Variants in CHRM2 observed in about 807,000 individuals in gnomAD.
CHRM2 encodes cholinergic receptor muscarinic 2.
In CHRM2, 8 loss-of-function variants were observed where a neutral mutation model predicts 25.0. The ratio of observed to expected loss-of-function variants is 0.32; its 90% CI spans 0.19 to 0.58. The LOEUF (loss-of-function observed/expected upper bound fraction) is 0.58. CHRM2 is among the 20% of genes least tolerant of loss of function. CHRM2 has a pLI of 0.88. For missense variants in CHRM2, 440 were observed against 567.1 expected (o/e 0.78, Z 2.28); for synonymous variants, 202 against 205.7 (o/e 0.98, Z 0.15).
At chr7:136,907,269 A>G (rs1797607269) in intron 2 of CHRM2, among the ~76,000 whole-genome samples, 1 of 151,964 alleles carries the variant, frequency 6.6e-6, no homozygotes, top group Non-Finnish European at 1.5e-5. Flanking sequence ...TTAGATGACT[A>G]CAAAAATCTT....
At chr7:137,010,800 C>T (rs185483069) in intron 3 of CHRM2, among the ~76,000 whole-genome samples, 59 of 151,878 alleles carry the variant, frequency 3.9e-4, no homozygotes, top group Middle Eastern at 3.4e-3. Context: ...TCCAGTTTAC[C>T]GGAAACCAAA....
chr7:136,980,251 A>G (rs1036257574), intron 2 of CHRM2, among the ~76,000 whole-genome samples: 8 of 151,904 alleles, frequency 5.3e-5, no homozygotes, highest in African/African-American at 1.9e-4. Context: ...CTGTTTGTCT[A>G]TTATTTGTGT....
intron 2 of CHRM2, among the ~76,000 whole-genome samples, chr7:136,897,265 G>T (rs2130593396): frequency 6.6e-6 from 1 of 152,166 alleles, no homozygotes; most frequent in Middle Eastern, 3.4e-3. Flanking sequence ...GGAAGCCAAT[G>T]CATATCTAAG....
intron 2 of CHRM2, among the ~76,000 whole-genome samples, chr7:136,884,747 G>T (rs533752066): frequency 6.6e-6 from 1 of 152,146 alleles, no homozygotes; most frequent in African/African-American, 2.4e-5. Context: ...GAGAGGACAG[G>T]GAAGTATAGG....
chr7:136,896,263 AAGTC>A (rs1361943794), intron 2 of CHRM2, among the ~76,000 whole-genome samples: 1 of 152,146 alleles, frequency 6.6e-6, no homozygotes, highest in East Asian at 1.9e-4. Flanking sequence ...GGCATTTGGA[AAGTC>A]AGTATCAGTT....
At chr7:136,965,280 A>AT (rs982247941) in intron 2 of CHRM2, among the ~76,000 whole-genome samples, 6 of 151,166 alleles carry the variant, frequency 4.0e-5, no homozygotes, top group East Asian at 3.9e-4. Flanking sequence ...TTAGGAGTCC[A>AT]TTTTTTTTTC....
chr7:136,997,875 G>A (rs1803710294), intron 3 of CHRM2, among the ~76,000 whole-genome samples: 1 of 152,160 alleles, frequency 6.6e-6, no homozygotes. Flanking sequence ...AAGCATGTAA[G>A]TCATCAGATC....
At chr7:136,959,056 C>G (rs968268890) in intron 2 of CHRM2, among the ~76,000 whole-genome samples, 3 of 152,278 alleles carry the variant, frequency 2.0e-5, no homozygotes, top group African/African-American at 7.2e-5. Context: ...CCTGGAGACT[C>G]TGAACCTCTT....
rs571429669 is a variant in CHRM2 at position 136,909,267 on chromosome 7, C to T, written c.-125+39849C>T. Among the ~76,000 whole-genome samples the T allele has an allele frequency of 9.9e-5, 15 of 152,082 alleles. No individual in the cohort carries two copies. The South Asian group carries it at 2.9e-3, about 29-fold the overall frequency. On this transcript the variant is annotated intron_variant, in intron 2 of 3. Coordinates refer to ENST00000680005, the MANE Select transcript of CHRM2 (RefSeq NM_001006630.2). Reference sequence around the variant, plus strand: ...AGAAGATAATACATGTACTCACAATCTTGTACTCACAGACAATCTTGTTCT... The same window carrying T: ...AGAAGATAATACATGTACTCACAATTTTGTACTCACAGACAATCTTGTTCT...
intron 2 of CHRM2, among the ~76,000 whole-genome samples, chr7:136,896,562 T>TTGTG (rs557222977): frequency 1.3e-5 from 2 of 151,270 alleles, no homozygotes; most frequent in African/African-American, 4.8e-5. Context: ...CTACCTTGCA[T>TTGTG]TGTGTGTGTG....
At chr7:136,933,261 C>T (rs187609028) in intron 2 of CHRM2, among the ~76,000 whole-genome samples, 119 of 152,094 alleles carry the variant, frequency 7.8e-4, no homozygotes, top group African/African-American at 2.8e-3. Context: ...GGCAAATGAT[C>T]GGAACAGACA....
chr7:136,910,836 A>G (rs540100615), intron 2 of CHRM2, among the ~76,000 whole-genome samples: 33 of 132,590 alleles, frequency 2.5e-4, no homozygotes, highest in Non-Finnish European at 5.3e-4. Context: ...TGTGTGAGAG[A>G]GAGAGAGAAA....
chr7:136,894,228 A>G lies in CHRM2; in HGVS notation c.-125+24810A>G, dbSNP rs566399385. 2.0e-5 allele frequency among the ~76,000 whole-genome samples: 3 copies of G among 152,332 alleles called. No homozygotes were observed. The South Asian group carries it at 6.2e-4, about 32-fold the overall frequency. ...CAGACCACTCTATGCACAAATGAGA[A>G]ATCATCACTATCATAATGGATATAT... On this transcript the variant is annotated intron_variant, in intron 2 of 3. Coordinates refer to ENST00000680005, the MANE Select transcript of CHRM2 (RefSeq NM_001006630.2).
At chr7:136,973,099 GTGA>G (rs1190533127) in intron 2 of CHRM2, among the ~76,000 whole-genome samples, 2 of 43,964 alleles carry the variant, frequency 4.5e-5, no homozygotes, top group Non-Finnish European at 8.5e-5. Context: ...ATGGTGGCAG[GTGA>G]TGATGGTGAC....
intron 2 of CHRM2, among the ~76,000 whole-genome samples, chr7:136,921,729 C>T (rs1584759914): frequency 6.6e-6 from 1 of 151,788 alleles, no homozygotes; most frequent in Non-Finnish European, 1.5e-5. Flanking sequence ...ACTTTTTGCC[C>T]CCAAATTGAT....
chr7:136,882,887 G>C (rs551019449), intron 2 of CHRM2, among the ~76,000 whole-genome samples: 3 of 152,048 alleles, frequency 2.0e-5, no homozygotes, highest in Non-Finnish European at 2.9e-5. Flanking sequence ...GCTAAACATT[G>C]CATATGATTT....
chr7:136,870,316 C>G lies in CHRM2; in HGVS notation c.-125+898C>G, dbSNP rs146000188. On this transcript the variant is annotated intron_variant, in intron 2 of 3. Transcript: ENST00000680005. ...GCAATCGCCGCTAACTTGTAGCTCT[C>G]GGACACGGACAGGTGCGGTCCATGC... The G allele has an allele frequency of 8.2e-3, 1,255 of 152,586 alleles. 18 individuals carry two copies. Among genetic ancestry groups the G allele is most frequent in the Non-Finnish European group, 0.011 (775 of 68,036 alleles). The allele number at this position is 152,586 out of a possible 1,614,324, so 9.5% of individuals were successfully genotyped here. A position where few individuals can be genotyped will look rare whatever the true frequency, so the allele number is the denominator to read the frequency against.
intron 2 of CHRM2, among the ~76,000 whole-genome samples, chr7:136,975,324 G>A (rs1472060763): frequency 6.6e-6 from 1 of 152,118 alleles, no homozygotes; most frequent in African/African-American, 2.4e-5. Flanking sequence ...CTCTAAAAAA[G>A]TGGAGTAAAT....
At chr7:136,927,403 G>A (rs955522962) in intron 2 of CHRM2, among the ~76,000 whole-genome samples, 1 of 151,884 alleles carries the variant, frequency 6.6e-6, no homozygotes, top group South Asian at 2.1e-4. Flanking sequence ...TGGTGGTGGT[G>A]GTGTGGGTGT....
Sources: gnomAD v4.1 joint callset for allele counts (sites outside exome capture counted in the v4.1 genomes callset) on GRCh38, gnomAD v4.1.1 for gene constraint, MANE v1.5 for transcripts, NCBI Gene and HGNC (gene_info 2026-07-23, HGNC 2026-07-21) for gene names.